The following TPM4 variants were observed in gnomAD, a reference collection of about 807,000 sequenced individuals.
TPM4 encodes the protein tropomyosin alpha-4 chain.
Under a neutral mutation model 35.8 loss-of-function variants are expected in TPM4, and 17 were observed. That is an observed-to-expected ratio of 0.47 (90% CI 0.32 to 0.71). The LOEUF is 0.71. Ranked by LOEUF, TPM4 falls within the 30% of genes least tolerant of loss-of-function variation. The pLI is 0.03. For synonymous variants in TPM4, 120 were observed against 122.9 expected, an observed-to-expected ratio of 0.98 and a Z score of 0.15; for missense variants, 240 against 320.9, an observed-to-expected ratio of 0.75 and a Z score of 1.93.
upstream of TPM4, chr19:16,076,488 C>A: frequency 6.8e-6 from 9 of 1,331,934 alleles, no homozygotes; most frequent in South Asian, 1.9e-5. Context: ...GGGGCCGGGG[C>A]GCGGCTGTGC....
intron 7 of TPM4, among the ~76,000 whole-genome samples, chr19:16,097,144 G>A (rs1329491677): frequency 1.3e-5 from 2 of 151,330 alleles, no homozygotes; most frequent in African/African-American, 4.9e-5. Flanking sequence ...AGTAGAGATG[G>A]GGTTTCACCA....
At chr19:16,087,914 G>C in intron 3 of TPM4, 113 bp from the exon 4 acceptor site, 2 of 1,114,048 alleles carry the variant, frequency 1.8e-6, no homozygotes, top group Non-Finnish European at 2.6e-6. Context: ...AAAAACCCAT[G>C]TTGCAGCTGG....
intron 1 of TPM4, among the ~76,000 whole-genome samples, chr19:16,079,559 G>A (rs531186201): frequency 6.6e-6 from 1 of 152,150 alleles, no homozygotes; most frequent in Non-Finnish European, 1.5e-5. Context: ...AACACCTGTG[G>A]GAGTGCCCTC....
chr19:16,087,345 G>A (rs1432393661), intron 3 of TPM4, among the ~76,000 whole-genome samples: 2 of 152,218 alleles, frequency 1.3e-5, no homozygotes, highest in Non-Finnish European at 2.9e-5. Context: ...GGGAGGCCAA[G>A]GCAGGCAGAT....
At position 16,070,984 on chromosome 19, in the gene TPM4, G is replaced by A. The variant is rs2090351999; in HGVS notation, c.114+3246G>A. On this transcript the variant is annotated intron_variant, in intron 2 of 2. Transcript: ENST00000589897. The surrounding 1 kb of genome is among the most constrained non-coding windows in gnomAD (Gnocchi z 7.4). ...GTTTATAGCACTAATTCTTACTAAG[G>A]TGTGAGTGGCTATCTCCCAGGACAG... Among the ~76,000 whole-genome samples the A allele has an allele frequency of 6.6e-6, 1 of 152,198 alleles. No individual in the cohort carries two copies. Among genetic ancestry groups the A allele is most frequent in the Admixed American group, 6.5e-5 (1 of 15,280 alleles).
chr19:16,078,313 G>A (rs10402928), intron 1 of TPM4, among the ~76,000 whole-genome samples: 2,303 of 152,236 alleles, frequency 0.015, 46 homozygotes, highest in African/African-American at 0.045. Context: ...GGGTGGGGGG[G>A]TGTGCGGATA....
chr19:16,068,807 G>T (rs1022290113), intron 2 of TPM4, among the ~76,000 whole-genome samples: 4 of 144,218 alleles, frequency 2.8e-5, no homozygotes, highest in Admixed American at 2.0e-4. Context: ...GTGTGCACAT[G>T]TGTTGTATGT....
At chr19:16,068,427 C>T (rs1476580939) in intron 2 of TPM4, among the ~76,000 whole-genome samples, 5 of 152,168 alleles carry the variant, frequency 3.3e-5, no homozygotes, top group African/African-American at 1.2e-4. Flanking sequence ...CCGCCCGCGT[C>T]TGCCTCCCAA....
At chr19:16,076,368 C>A, upstream of TPM4, 2 of 1,439,082 alleles carry the variant, frequency 1.4e-6, no homozygotes, top group Non-Finnish European at 1.8e-6. Context: ...AGGCCCTCCC[C>A]CAGCGGTGCT....
rs768210457 is a variant in TPM4, at chr19:16,070,515, G to A, written c.114+2777G>A. Among the ~76,000 whole-genome samples, 26 of 152,140 alleles carry A rather than the reference G, an allele frequency of 1.7e-4. No individual in the cohort carries two copies. The highest frequency in any genetic ancestry group is 3.2e-4 in the Non-Finnish European group (22 of 68,012). On this transcript the variant is annotated intron_variant, in intron 2 of 2. Coordinates refer to the TPM4 transcript ENST00000589897. This position sits in a 1 kb window ranked among gnomAD's most constrained non-coding sequence, Gnocchi z 7.4. ...AGCCAGGCCAGCCCGGCAGCTAAAG[G>A]CGAAAGCTCGGAGCTCAGACTGGCC...
At chr19:16,088,204 G>A in intron 4 of TPM4, 107 bp downstream of exon 4, 1 of 1,486,714 alleles carries the variant, frequency 6.7e-7, no homozygotes, top group Non-Finnish European at 9.2e-7. Flanking sequence ...CTGCTCAAGT[G>A]GACGGGCGTC....
Position 16,094,752 on chromosome 19 carries a change from TC to T in TPM4, c.664+1000del, listed in dbSNP as rs2090673412. On this transcript the variant is annotated intron_variant, in intron 7 of 7. Transcript: ENST00000643579. ...GGGGCCCACTTCTCCCAGAATTTTTTCAAGAGTTCCAGTGTTTAACATTCGG... is the reference window on the plus strand; with the variant it reads ...GGGGCCCACTTCTCCCAGAATTTTTTAAGAGTTCCAGTGTTTAACATTCGG... 3.3e-5 allele frequency among the ~76,000 whole-genome samples: 5 copies of T among 152,128 alleles called. No individual in the cohort carries two copies. In the South Asian group the frequency reaches 1.0e-3, roughly 31 times the overall value.
At chr19:16,086,623 G>A (rs1035445584) in intron 3 of TPM4, 83 bp downstream of exon 3, 16 of 1,155,084 alleles carry the variant, frequency 1.4e-5, no homozygotes, top group South Asian at 2.8e-5. Flanking sequence ...CGGGGCCAAC[G>A]AAAGGAAGCT....
In TPM4 at chr19:16,070,642, G is replaced by C. The variant is rs897724793; in HGVS notation, c.114+2904G>C. Reference sequence around the variant, plus strand: ...CCCTTGCCACCCCATGACAGGATTAGAGGTGACTGTACAGGTGGAACCCTT... The same window carrying C: ...CCCTTGCCACCCCATGACAGGATTACAGGTGACTGTACAGGTGGAACCCTT... On this transcript the variant is annotated intron_variant, in intron 2 of 2. Coordinates refer to the TPM4 transcript ENST00000589897. This position sits in a 1 kb window ranked among gnomAD's most constrained non-coding sequence, Gnocchi z 7.4. 5.3e-5 allele frequency among the ~76,000 whole-genome samples: 8 copies of C among 152,186 alleles called. 1 individual carries two copies. The highest frequency in any genetic ancestry group is 3.3e-4 in the Admixed American group (5 of 15,288).
intron 2 of TPM4, among the ~76,000 whole-genome samples, chr19:16,083,395 AAGATCGCACCACTGCACTCC>A (rs887760358): frequency 6.0e-4 from 92 of 152,230 alleles, no homozygotes; most frequent in African/African-American, 2.2e-3. Flanking sequence ...GCAGTGAGCC[AAGATCGCACCACTGCACTCC>A]AGCCTGGGCA....
At chr19:16,076,116 G>A (rs762496473), upstream of TPM4, 2 of 1,594,850 alleles carry the variant, frequency 1.3e-6, no homozygotes, top group African/African-American at 1.3e-5. Context: ...TAAATATTCC[G>A]AGGACCTGAA....
At chr19:16,098,793 T>C (rs1303038950) in intron 7 of TPM4, among the ~76,000 whole-genome samples, 1 of 151,964 alleles carries the variant, frequency 6.6e-6, no homozygotes. Flanking sequence ...TTCATAATAA[T>C]ATTTTATTTT....
chr19:16,092,688 A>G (rs1486208028), intron 5 of TPM4, among the ~76,000 whole-genome samples: 2 of 151,924 alleles, frequency 1.3e-5, no homozygotes, highest in Non-Finnish European at 2.9e-5. Flanking sequence ...GGCACCCACC[A>G]CCACACCTGG....
intron 2 of TPM4, among the ~76,000 whole-genome samples, chr19:16,083,549 G>A (rs956349267): frequency 2.6e-5 from 4 of 151,232 alleles, no homozygotes; most frequent in Non-Finnish European, 4.4e-5. Context: ...TCTCTGGCAC[G>A]CCTTGGCACA....
Sources: allele counts gnomAD v4.1 joint callset (sites outside exome capture counted in the v4.1 genomes callset), GRCh38; gene constraint gnomAD v4.1.1; non-coding constraint Gnocchi (gnomAD v3.1); transcripts MANE v1.5; gene names NCBI Gene and HGNC (gene_info 2026-07-23, HGNC 2026-07-21).